CADPS: variants seen among roughly 807,000 people sequenced by gnomAD.
CADPS encodes calcium dependent secretion activator.
In CADPS, 57 loss-of-function variants were observed where a neutral mutation model predicts 167.3. The observed-to-expected ratio is 0.34, with a 90% CI of 0.28 to 0.42. CADPS has a LOEUF of 0.42. Among genes scored for constraint, CADPS ranks in the 20% least tolerant of loss-of-function variants. CADPS has a pLI of 1.00. For missense variants in CADPS, 1,414 were observed against 1,738.1 expected, an observed-to-expected ratio of 0.81 and a Z score of 3.32; for synonymous variants, 676 against 635.3, an observed-to-expected ratio of 1.06 and a Z score of -0.96.
chr3:62,638,743 C>T (rs1273189841), intron 6 of CADPS, among the ~76,000 whole-genome samples: 2 of 152,148 alleles, frequency 1.3e-5, no homozygotes, highest in African/African-American at 4.8e-5. Context: ...TTCACCAACT[C>T]AGAGTCAGTT....
At chr3:62,498,971 G>A (rs1327097222) in intron 18 of CADPS, among the ~76,000 whole-genome samples, 191 bp downstream of exon 18, 4 of 152,292 alleles carry the variant, frequency 2.6e-5, no homozygotes, top group South Asian at 4.1e-4. Context: ...CATACAACAT[G>A]CAACCACTTT....
chr3:62,596,224 G>A (rs1418351055), intron 6 of CADPS, among the ~76,000 whole-genome samples: 1 of 142,894 alleles, frequency 7.0e-6, no homozygotes, highest in South Asian at 2.2e-4. Context: ...TTGACAGAGT[G>A]TCGTTCTGTT....
chr3:62,409,775 A>T (rs2048602047), intron 28 of CADPS, among the ~76,000 whole-genome samples: 1 of 152,226 alleles, frequency 6.6e-6, no homozygotes, highest in Non-Finnish European at 1.5e-5. Context: ...TTTCTGAAAA[A>T]TTACATATCA....
intron 21 of CADPS, among the ~76,000 whole-genome samples, chr3:62,484,930 C>A (rs1490017620): frequency 6.6e-6 from 1 of 152,138 alleles, no homozygotes; most frequent in Non-Finnish European, 1.5e-5. Flanking sequence ...AGCACTGAAG[C>A]CTCTGTCAGT....
chr3:62,564,255 C>A (rs833655), intron 9 of CADPS, among the ~76,000 whole-genome samples: 96,384 of 151,806 alleles, frequency 0.63, 32,180 homozygotes, highest in Admixed American at 0.72. Context: ...CCCGCCTCAG[C>A]CTCCCAAACT....
At chr3:62,698,427 C>T (rs1025531998) in intron 3 of CADPS, among the ~76,000 whole-genome samples, 15 of 151,996 alleles carry the variant, frequency 9.9e-5, no homozygotes, top group Middle Eastern at 3.2e-3. Context: ...TGCCCAGGTA[C>T]GATGTTTTGT....
chr3:62,690,474 C>T (rs1000609045), intron 3 of CADPS, among the ~76,000 whole-genome samples: 14 of 151,920 alleles, frequency 9.2e-5, no homozygotes, highest in Admixed American at 3.9e-4. Flanking sequence ...GGCTAAGTAA[C>T]TTTCCAAGGC....
intron 28 of CADPS, among the ~76,000 whole-genome samples, chr3:62,408,347 T>G (rs183177451): frequency 6.6e-6 from 1 of 152,204 alleles, no homozygotes; most frequent in Non-Finnish European, 1.5e-5. Context: ...ATAAAAATGT[T>G]GTATTAAAAT....
chr3:62,791,944 TA>T (rs2092985922), intron 1 of CADPS, among the ~76,000 whole-genome samples: 1 of 152,208 alleles, frequency 6.6e-6, no homozygotes. Context: ...GCTGTTGTTT[TA>T]CTTATCAAGG....
intron 8 of CADPS, among the ~76,000 whole-genome samples, chr3:62,577,034 C>T (rs11130888): frequency 0.16 from 24,223 of 151,604 alleles, 2,536 homozygotes; most frequent in African/African-American, 0.3. Context: ...CCAGAGTGAG[C>T]GAGCTACAAA....
intron 1 of CADPS, among the ~76,000 whole-genome samples, chr3:62,784,028 T>C (rs906939655): frequency 1.1e-4 from 16 of 152,198 alleles, no homozygotes; most frequent in Non-Finnish European, 1.5e-5. Flanking sequence ...CCAGGGTTCC[T>C]TGGAGCAATG....
chr3:62,754,089 C>A (rs2083315610), intron 2 of CADPS, among the ~76,000 whole-genome samples: 1 of 152,208 alleles, frequency 6.6e-6, no homozygotes. Context: ...AGGTTCTCTG[C>A]CCCTTAGTGG....
At chr3:62,772,110 T>A (rs578156042) in intron 1 of CADPS, among the ~76,000 whole-genome samples, 15 of 152,256 alleles carry the variant, frequency 9.9e-5, no homozygotes, top group African/African-American at 3.6e-4. Flanking sequence ...TGTAATAATA[T>A]ATAGCATAGT....
At chr3:62,549,366 T>C (rs1456535378) in intron 11 of CADPS, among the ~76,000 whole-genome samples, 2 of 150,496 alleles carry the variant, frequency 1.3e-5, no homozygotes, top group Non-Finnish European at 3.0e-5. Context: ...GAATATGAAC[T>C]GGGGCTGTTT....
intron 28 of CADPS, among the ~76,000 whole-genome samples, chr3:62,435,046 T>TA (rs780321046): frequency 6.6e-6 from 1 of 152,154 alleles, no homozygotes; most frequent in Non-Finnish European, 1.5e-5. Context: ...ATCTCGGAGA[T>TA]ATATATTTTT....
At chr3:62,671,170 G>A (rs1003623023) in intron 3 of CADPS, among the ~76,000 whole-genome samples, 1 of 152,152 alleles carries the variant, frequency 6.6e-6, no homozygotes, top group East Asian at 1.9e-4. Flanking sequence ...TACTCATAAA[G>A]CACTTAGCAT....
At chr3:62,481,167 C>A (rs1449906865) in intron 22 of CADPS, among the ~76,000 whole-genome samples, 3 of 152,198 alleles carry the variant, frequency 2.0e-5, no homozygotes, top group Non-Finnish European at 4.4e-5. Flanking sequence ...TTTTACATAA[C>A]ATTTATGTGA....
chr3:62,559,290 T>C (rs1040397084), intron 9 of CADPS, among the ~76,000 whole-genome samples: 2 of 152,192 alleles, frequency 1.3e-5, no homozygotes, highest in African/African-American at 4.8e-5. Flanking sequence ...TGCCATATAA[T>C]GGGCATTCAC....
intron 9 of CADPS, among the ~76,000 whole-genome samples, chr3:62,557,900 A>G (rs941299682): frequency 6.6e-6 from 1 of 152,238 alleles, no homozygotes; most frequent in African/African-American, 2.4e-5. Context: ...TGGTTAAACG[A>G]CAGCAATTTT....
Sources: allele counts gnomAD v4.1 joint callset (sites outside exome capture counted in the v4.1 genomes callset), GRCh38; gene constraint gnomAD v4.1.1; transcripts MANE v1.5; gene names NCBI Gene and HGNC (gene_info 2026-07-23, HGNC 2026-07-21).